PACSIN1: variants seen among roughly 807,000 people sequenced by gnomAD.
The protein encoded by PACSIN1 is protein kinase C and casein kinase substrate in neurons 1, also known as protein kinase C and casein kinase substrate in neurons protein 1.
In PACSIN1, 15 loss-of-function variants were observed where a neutral mutation model predicts 59.5. The ratio of observed to expected loss-of-function variants is 0.25; its 90% CI spans 0.17 to 0.39. The LOEUF is 0.39. PACSIN1 is among the 10% of genes least tolerant of loss of function. The pLI is 1.00. For synonymous variants in PACSIN1, 210 were observed against 220.6 expected, an observed-to-expected ratio of 0.95 and a Z score of 0.42; for missense variants, 420 against 580.2, an observed-to-expected ratio of 0.72 and a Z score of 2.84.
chr6:34,499,654 G>A (rs1454407140), intron 1 of PACSIN1, among the ~76,000 whole-genome samples: 2 of 151,912 alleles, frequency 1.3e-5, no homozygotes, highest in African/African-American at 4.8e-5. Context: ...AAATTATGCA[G>A]GCATGGTGAC....
intron 1 of PACSIN1, among the ~76,000 whole-genome samples, chr6:34,477,699 C>G (rs934328566): frequency 2.0e-5 from 3 of 152,232 alleles, no homozygotes; most frequent in Admixed American, 2.0e-4. Context: ...TATTCTGAAA[C>G]ATGGTGCATA....
Position 34,532,540 on chromosome 6 carries a change from C to G in PACSIN1, c.*10C>G. 6.8e-7 allele frequency: 1 copy of G among 1,475,934 alleles called. No homozygotes were observed. Among genetic ancestry groups the G allele is most frequent in the Non-Finnish European group, 9.2e-7 (1 of 1,088,178 alleles). 91.4% of individuals were successfully genotyped at this position (1,475,934 alleles called of 1,614,324 possible). On this transcript the variant is annotated 3_prime_UTR_variant, in exon 10 of 10. Coordinates refer to ENST00000244458, the MANE Select transcript of PACSIN1 (RefSeq NM_020804.5). The surrounding 1 kb of genome is among the most constrained non-coding windows in gnomAD (Gnocchi z 5.2). ...CGTGGAGGCTATCTAGAGGCCCCCT[C>G]CCTCCATACTCCCGTCACTCCTCCC...
In PACSIN1 at chr6:34,524,221, A is replaced by ACGG. The variant is rs1767445933; in HGVS notation, c.-63-2022_-63-2021insCGG. The stretch of plus-strand genomic sequence containing the variant: ...CAGCCATTGGGTATTTTGGCCTGAC[A>ACGG]TACCAGGTCTCAGCTGTACTGTCCC... On this transcript the variant is annotated intron_variant, in intron 1 of 9. Coordinates refer to ENST00000244458, the MANE Select transcript of PACSIN1 (RefSeq NM_020804.5). 6.6e-5 allele frequency among the ~76,000 whole-genome samples: 10 copies of ACGG among 152,290 alleles called. No homozygotes were observed. The South Asian group carries it at 1.0e-3, about 16-fold the overall frequency.
At chr6:34,498,052 T>TTTTGTTTG (rs34953853) in intron 1 of PACSIN1, among the ~76,000 whole-genome samples, 21 of 151,426 alleles carry the variant, frequency 1.4e-4, no homozygotes, top group South Asian at 4.2e-4. Flanking sequence ...TTTTTGTTTG[T>TTTTGTTTG]TTTGTTTGTT....
chr6:34,468,120 A>G (rs558418168), intron 1 of PACSIN1, among the ~76,000 whole-genome samples: 1 of 152,314 alleles, frequency 6.6e-6, no homozygotes, highest in Non-Finnish European at 1.5e-5. Context: ...GGAAGCTGGG[A>G]AGGCCCAAGC....
chr6:34,473,364 G>A (rs1239139286), intron 1 of PACSIN1, among the ~76,000 whole-genome samples: 1 of 152,190 alleles, frequency 6.6e-6, no homozygotes, highest in East Asian at 1.9e-4. Context: ...GAGGCTGGTG[G>A]GGCAGCCAGC....
At position 34,531,328 on chromosome 6, in the gene PACSIN1, C is replaced by T. The variant is rs1229210920; in HGVS notation, c.1038-272C>T. Among the ~76,000 whole-genome samples the T allele has an allele frequency of 6.6e-6, 1 of 152,198 alleles. No homozygotes were observed. The highest frequency in any genetic ancestry group is 1.5e-5 in the Non-Finnish European group (1 of 68,036). On this transcript the variant is annotated intron_variant, in intron 8 of 9. Coordinates refer to ENST00000244458, the MANE Select transcript of PACSIN1 (RefSeq NM_020804.5). The surrounding 1 kb of genome is among the most constrained non-coding windows in gnomAD (Gnocchi z 4.4). The stretch of plus-strand genomic sequence containing the variant: ...TGACTCCAGGATCCTTGCTCTTAAA[C>T]ATTAGGTGGTACTCCTCCTCCCGGA...
rs998272359 is a variant in PACSIN1, at chr6:34,533,809, C to G, written c.*1279C>G. The G allele has an allele frequency of 1.3e-5, 2 of 152,344 alleles. No individual in the cohort carries two copies. The highest frequency in any genetic ancestry group is 4.8e-5 in the African/African-American group (2 of 41,440). The allele number at this position is 152,344 out of a possible 1,614,324, so 9.4% of individuals were successfully genotyped here. A position where few individuals can be genotyped will look rare whatever the true frequency, so the allele number is the denominator to read the frequency against. On this transcript the variant is annotated 3_prime_UTR_variant, in exon 10 of 10. Transcript: ENST00000244458. Reference sequence around the variant, plus strand: ...CCCTTCCATGTCTCCAAACCTGGGTCAGAGTGAAAGGACCTTTGGGGGTGG... The same window carrying G: ...CCCTTCCATGTCTCCAAACCTGGGTGAGAGTGAAAGGACCTTTGGGGGTGG...
Position 34,528,878 on chromosome 6 carries a change from GTGCTCAGT to G in PACSIN1, c.456+2_456+9del. On this transcript the variant is annotated splice_donor_variant and splice_donor_5th_base_variant and intron_variant, in intron 4 of 9. Transcript: ENST00000244458. LOFTEE classifies it high-confidence loss of function. ...GCCTTGGGCCAAGAAGATGAAGGAG[GTGCTCAGT>G]GGGTGCTGCCACGGGCGGGGTGGGG... 3.8e-6 allele frequency: 6 copies of G among 1,578,420 alleles called. No individual in the cohort carries two copies. Among genetic ancestry groups the G allele is most frequent in the South Asian group, 2.2e-5 (2 of 90,188 alleles).
intron 1 of PACSIN1, among the ~76,000 whole-genome samples, chr6:34,495,597 C>T (rs186979374): frequency 1.3e-3 from 196 of 152,146 alleles, no homozygotes; most frequent in Middle Eastern, 3.4e-3. Flanking sequence ...GGATTACAGG[C>T]GCGCGCCACC....
At position 34,531,601 on chromosome 6, in the gene PACSIN1, G is replaced by A. The variant is rs1767594291; in HGVS notation, c.1039G>A (p.Val347Ile). The change falls in exon 9 of 10, where the codon GTT becomes ATT. Residue 347 changes from valine to isoleucine, a missense_variant and splice_region_variant. Physicochemically the swap from Val to Ile is conservative, Grantham distance 29. Coordinates refer to ENST00000244458, the MANE Select transcript of PACSIN1 (RefSeq NM_020804.5). This position sits in a 1 kb window ranked among gnomAD's most constrained non-coding sequence, Gnocchi z 4.4. ...CTGGCTCCTTCCTCCGCGTCTCAGT[G>A]TTAGCAGCTACGACAGAGGCCAGCC... ...STSQAGDRGS[V>I]SSYDRGQPYA... 6.2e-7 allele frequency: 1 copy of A among 1,613,672 alleles called. No individual in the cohort carries two copies.
At chr6:34,493,941 A>C (rs879350180) in intron 1 of PACSIN1, among the ~76,000 whole-genome samples, 1 of 152,196 alleles carries the variant, frequency 6.6e-6, no homozygotes, top group Admixed American at 6.5e-5. Context: ...CCAGCATTTC[A>C]TGGCCTCCAA....
intron 1 of PACSIN1, among the ~76,000 whole-genome samples, chr6:34,505,301 A>G (rs1472819073): frequency 6.6e-6 from 1 of 152,020 alleles, no homozygotes. Flanking sequence ...TTTGACCATG[A>G]TGTGCCTTGG....
chr6:34,477,710 C>A (rs1332724784), intron 1 of PACSIN1, among the ~76,000 whole-genome samples: 1 of 152,208 alleles, frequency 6.6e-6, no homozygotes, highest in African/African-American at 2.4e-5. Flanking sequence ...ATGGTGCATA[C>A]TGGAGGATAA....
intron 1 of PACSIN1, among the ~76,000 whole-genome samples, chr6:34,508,463 C>T (rs556190395): frequency 4.6e-5 from 7 of 152,110 alleles, no homozygotes; most frequent in Non-Finnish European, 8.8e-5. Context: ...GACGAGGTCT[C>T]GCTATGTTAT....
In PACSIN1 at chr6:34,529,684, A is replaced by G; in HGVS notation, c.631A>G (p.Lys211Glu). 1 of 1,614,122 alleles carries G rather than the reference A, an allele frequency of 6.2e-7. No individual in the cohort carries two copies. Among genetic ancestry groups the G allele is most frequent in the Non-Finnish European group, 8.5e-7 (1 of 1,180,018 alleles). Residue 211 changes from lysine to glutamate, a missense_variant, in exon 6 of 10, where the codon AAA becomes GAA. Transcript: ENST00000244458. The surrounding 1 kb of genome is among the most constrained non-coding windows in gnomAD (Gnocchi z 6.3). ...DVQKTQEKYE[K>E]VLEDVGKTTP... is the part of the protein sequence containing the mutation. ...CCCACAGACACAGGAGAAGTATGAG[A>G]AAGTGCTGGAAGATGTGGGCAAGAC...
chr6:34,477,804 A>G (rs1766658829), intron 1 of PACSIN1, among the ~76,000 whole-genome samples: 1 of 152,126 alleles, frequency 6.6e-6, no homozygotes, highest in Non-Finnish European at 1.5e-5. Flanking sequence ...GCTGGAGTGC[A>G]GTGGCATGAT....
intron 1 of PACSIN1, among the ~76,000 whole-genome samples, chr6:34,478,772 G>C (rs1766676556): frequency 6.6e-6 from 1 of 152,128 alleles, no homozygotes; most frequent in African/African-American, 2.4e-5. Context: ...ATATAAAATA[G>C]GTTGTACATT....
At chr6:34,468,099 G>A (rs1299432497) in intron 1 of PACSIN1, among the ~76,000 whole-genome samples, 1 of 152,210 alleles carries the variant, frequency 6.6e-6, no homozygotes, top group East Asian at 1.9e-4. Context: ...GAAAATCCAG[G>A]TCAACATCAG....
Sources: gnomAD v4.1 joint callset for allele counts (sites outside exome capture counted in the v4.1 genomes callset) on GRCh38, gnomAD v4.1.1 for gene constraint, Gnocchi (gnomAD v3.1) non-coding constraint, MANE v1.5 for transcripts, NCBI Gene and HGNC (gene_info 2026-07-23, HGNC 2026-07-21) for gene names.